Variants in PCDHGA4 observed in about 807,000 individuals in gnomAD.
The protein encoded by PCDHGA4 is protocadherin gamma-A4.
In PCDHGA4, 38 loss-of-function variants were observed where a neutral mutation model predicts 54.6. The ratio of observed to expected loss-of-function variants is 0.70; its 90% CI spans 0.54 to 0.91. PCDHGA4 has a LOEUF of 0.91. PCDHGA4 is among the 40% of genes least tolerant of loss of function. PCDHGA4 has a pLI of 0.00. For missense variants in PCDHGA4, 1,298 were observed against 1,220.9 expected, an observed-to-expected ratio of 1.06 and a Z score of -0.94; for synonymous variants, 511 against 512.9, an observed-to-expected ratio of 1.00 and a Z score of 0.05.
intron 1 of PCDHGA4, chr5:141,361,964 A>G: frequency 3.7e-6 from 6 of 1,602,142 alleles, no homozygotes; most frequent in Non-Finnish European, 5.1e-6. Flanking sequence ...CACGTGCTGC[A>G]GGCCAGCGAG....
intron 2 of PCDHGA4, among the ~76,000 whole-genome samples, chr5:141,495,700 T>A (rs2099763052): frequency 6.6e-6 from 1 of 152,228 alleles, no homozygotes; most frequent in Non-Finnish European, 1.5e-5. Flanking sequence ...GCTCAATAAA[T>A]GTGGAGTGAG....
At chr5:141,430,948 A>C (rs753305931) in intron 1 of PCDHGA4, 47 of 1,609,938 alleles carry the variant, frequency 2.9e-5, no homozygotes, top group Non-Finnish European at 4.0e-5. Context: ...CGGAGCGCGG[A>C]GTCCGCATCA....
intron 1 of PCDHGA4, chr5:141,413,071 G>A (rs1589838233): frequency 1.7e-6 from 2 of 1,211,262 alleles, no homozygotes; most frequent in Admixed American, 2.8e-5. Flanking sequence ...AATTTAAAGT[G>A]CCCAGGCTAC....
intron 1 of PCDHGA4, chr5:141,374,073 A>G (rs1201568464): frequency 2.6e-6 from 4 of 1,510,034 alleles, no homozygotes; most frequent in Non-Finnish European, 2.7e-6. Context: ...GAAGTTCCTA[A>G]TAAGCCAGTA....
intron 1 of PCDHGA4, among the ~76,000 whole-genome samples, chr5:141,444,462 C>T (rs1314366280): frequency 3.3e-5 from 5 of 152,002 alleles, no homozygotes; most frequent in African/African-American, 9.7e-5. Flanking sequence ...TGAGTCACTG[C>T]GCCCGGTCGC....
intron 1 of PCDHGA4, chr5:141,365,030 G>T: frequency 1.2e-6 from 2 of 1,613,856 alleles, no homozygotes; most frequent in Non-Finnish European, 1.7e-6. Context: ...TACGGTCCTC[G>T]ACGCAAACGA....
intron 1 of PCDHGA4, among the ~76,000 whole-genome samples, chr5:141,442,926 T>C (rs2098353621): frequency 6.6e-6 from 1 of 152,240 alleles, no homozygotes; most frequent in African/African-American, 2.4e-5. Flanking sequence ...TGTTTCATTT[T>C]CTATTTAAGA....
chr5:141,436,659 G>A (rs771567212), intron 1 of PCDHGA4, among the ~76,000 whole-genome samples: 3 of 152,136 alleles, frequency 2.0e-5, no homozygotes, highest in Non-Finnish European at 2.9e-5. Flanking sequence ...GCCATTTTTA[G>A]TGGTTGACCA....
In PCDHGA4 at chr5:141,450,141, G is replaced by A. The variant is rs762961199; in HGVS notation, c.2515-44666G>A. On this transcript the variant is annotated intron_variant, in intron 1 of 3. Transcript: ENST00000571252. ...CCTGCCTTAGCCTCCTGAGTAGCTG[G>A]GACTACAGGCATGTGCCACCACACT... Among the ~76,000 whole-genome samples, 401 of 151,622 alleles carry A rather than the reference G, an allele frequency of 2.6e-3. 1 individual carries two copies. The highest frequency in any genetic ancestry group is 3.8e-3 in the Non-Finnish European group (260 of 67,912).
chr5:141,497,396 C>T (rs2099776233), intron 2 of PCDHGA4, among the ~76,000 whole-genome samples: 1 of 152,116 alleles, frequency 6.6e-6, no homozygotes, highest in Middle Eastern at 3.2e-3. Flanking sequence ...CTTACCCCTG[C>T]CTCAACTCCC....
chr5:141,398,747 A>G (rs1046077050), intron 1 of PCDHGA4: 5 of 1,613,378 alleles, frequency 3.1e-6, no homozygotes, highest in Non-Finnish European at 4.2e-6. Flanking sequence ...CAACAGAGTT[A>G]CCATCGTTTA....
At chr5:141,360,432 G>C in intron 1 of PCDHGA4, 1 of 1,613,994 alleles carries the variant, frequency 6.2e-7, no homozygotes, top group Non-Finnish European at 8.5e-7. Flanking sequence ...GCGGGAAGCA[G>C]CCTCTGTGTG....
intron 1 of PCDHGA4, chr5:141,478,511 C>CA: frequency 3.1e-6 from 5 of 1,611,778 alleles, no homozygotes; most frequent in Non-Finnish European, 4.2e-6. Context: ...GTTCTATAGG[C>CA]AGGTGTTGGG....
intron 1 of PCDHGA4, among the ~76,000 whole-genome samples, chr5:141,373,006 G>GCCT (rs775944130): frequency 4.6e-5 from 7 of 152,146 alleles, no homozygotes; most frequent in Non-Finnish European, 8.8e-5. Context: ...TTCATAGAAA[G>GCCT]CCTCCTTTTG....
At chr5:141,455,225 C>CA (rs2098817003) in intron 1 of PCDHGA4, among the ~76,000 whole-genome samples, 2 of 151,666 alleles carry the variant, frequency 1.3e-5, no homozygotes, top group South Asian at 2.1e-4. Context: ...AATGCTTTGA[C>CA]AAAAAATGTT....
At chr5:141,456,051 C>T (rs1592410743) in intron 1 of PCDHGA4, among the ~76,000 whole-genome samples, 1 of 151,998 alleles carries the variant, frequency 6.6e-6, no homozygotes, top group Non-Finnish European at 1.5e-5. Context: ...GCGCCCACCA[C>T]CACGTCCGGC....
intron 1 of PCDHGA4, among the ~76,000 whole-genome samples, chr5:141,467,254 T>C (rs1291193879): frequency 2.0e-5 from 3 of 152,248 alleles, no homozygotes; most frequent in Admixed American, 6.5e-5. Flanking sequence ...GGTTTCACCA[T>C]GTTGGCCAGG....
intron 1 of PCDHGA4, chr5:141,393,689 C>G (rs2150535299): frequency 6.2e-7 from 1 of 1,613,890 alleles, no homozygotes; most frequent in Middle Eastern, 1.7e-4. Context: ...CTCCGTTATT[C>G]CAGCTTAATG....
chr5:141,403,120 C>T, intron 1 of PCDHGA4: 2 of 1,614,050 alleles, frequency 1.2e-6, no homozygotes, highest in Non-Finnish European at 1.7e-6. Flanking sequence ...CTCTGGAGCC[C>T]CGGGAGCTGG....
Sources: gnomAD v4.1 joint callset for allele counts (sites outside exome capture counted in the v4.1 genomes callset) on GRCh38, gnomAD v4.1.1 for gene constraint, MANE v1.5 for transcripts, NCBI Gene and HGNC (gene_info 2026-07-23, HGNC 2026-07-21) for gene names.